ACYP2: variants seen among roughly 807,000 people sequenced by gnomAD.
ACYP2 encodes the protein acylphosphatase-2.
ACYP2 carries 12 observed loss-of-function variants against 11.2 expected under a neutral mutation model. The observed-to-expected ratio is 1.08, with a 90% CI of 0.69 to 1.74. The LOEUF (loss-of-function observed/expected upper bound fraction) is 1.74, where lower values mean the gene tolerates loss of function less well. ACYP2 is among the 40% of genes most tolerant of loss of function. The pLI, the probability that ACYP2 is intolerant of heterozygous loss-of-function variation, is 0.00. For missense variants in ACYP2, 134 were observed against 101.9 expected (o/e 1.31, Z -1.35); for synonymous variants, 43 against 32.2 (o/e 1.33, Z -1.13).
intron 6 of ACYP2, among the ~76,000 whole-genome samples, chr2:54,171,080 T>A (rs890283950): frequency 4.6e-5 from 7 of 152,144 alleles, no homozygotes; most frequent in Non-Finnish European, 1.0e-4. Context: ...TGACAGATCC[T>A]GGGCCGGGAT....
intron 4 of ACYP2, among the ~76,000 whole-genome samples, chr2:54,085,247 A>G (rs1677887785): frequency 6.6e-6 from 1 of 152,144 alleles, no homozygotes; most frequent in South Asian, 2.1e-4. Context: ...GGCTGTGCAC[A>G]TTTAGTTCAC....
chr2:54,187,750 G>A (rs1161512253), intron 6 of ACYP2, among the ~76,000 whole-genome samples: 1 of 152,144 alleles, frequency 6.6e-6, no homozygotes, highest in East Asian at 1.9e-4. Context: ...ACTGCTATCA[G>A]CATAAGCCAA....
intron 4 of ACYP2, among the ~76,000 whole-genome samples, chr2:54,095,782 A>G (rs1418746299): frequency 9.9e-5 from 8 of 80,872 alleles, no homozygotes; most frequent in Non-Finnish European, 1.5e-4. Context: ...CTGGCCGGGC[A>G]GGGGGTTGAC....
chr2:54,175,079 G>A (rs900954629), intron 6 of ACYP2, among the ~76,000 whole-genome samples: 25 of 152,240 alleles, frequency 1.6e-4, no homozygotes, highest in African/African-American at 5.8e-4. Flanking sequence ...TTTTTCTATT[G>A]ATTAGAATAG....
At chr2:54,081,260 C>T (rs1030145057) in intron 4 of ACYP2, among the ~76,000 whole-genome samples, 1 of 151,968 alleles carries the variant, frequency 6.6e-6, no homozygotes, top group Non-Finnish European at 1.5e-5. Flanking sequence ...ATATCCCCAT[C>T]GAAAAAGATA....
intron 6 of ACYP2, among the ~76,000 whole-genome samples, chr2:54,191,120 G>A (rs1200491790): frequency 6.6e-6 from 1 of 152,028 alleles, no homozygotes; most frequent in African/African-American, 2.4e-5. Flanking sequence ...TGCAGTAGCT[G>A]TAAGACTCAG....
At chr2:54,185,777 AT>A (rs754730606) in intron 6 of ACYP2, among the ~76,000 whole-genome samples, 141 of 152,316 alleles carry the variant, frequency 9.3e-4, no homozygotes, top group Non-Finnish European at 1.5e-3. Flanking sequence ...GGATTAAACT[AT>A]TAAAGAGCTG....
At chr2:54,246,978 C>G (rs1035648138) in intron 6 of ACYP2, among the ~76,000 whole-genome samples, 4 of 152,084 alleles carry the variant, frequency 2.6e-5, no homozygotes, top group East Asian at 1.9e-4. Flanking sequence ...CACTTAAGAC[C>G]CTCTAGTCTA....
At chr2:54,163,156 T>C (rs542556241) in intron 6 of ACYP2, among the ~76,000 whole-genome samples, 1 of 152,202 alleles carries the variant, frequency 6.6e-6, no homozygotes, top group Non-Finnish European at 1.5e-5. Context: ...GGATTTTGCT[T>C]GTCCCCGGAT....
At chr2:54,110,545 C>T (rs1679405463) in intron 4 of ACYP2, among the ~76,000 whole-genome samples, 1 of 152,172 alleles carries the variant, frequency 6.6e-6, no homozygotes, top group South Asian at 2.1e-4. Flanking sequence ...TCTGCTTTAG[C>T]TGAGACCTGG....
intron 2 of ACYP2, among the ~76,000 whole-genome samples, chr2:53,979,487 C>T (rs2104508877): frequency 6.6e-6 from 1 of 151,648 alleles, no homozygotes; most frequent in African/African-American, 2.4e-5. Context: ...ATTAGCCAGG[C>T]ATGGGGGTAT....
intron 4 of ACYP2, among the ~76,000 whole-genome samples, chr2:54,134,053 A>G (rs964280393): frequency 6.6e-6 from 1 of 151,146 alleles, no homozygotes; most frequent in African/African-American, 2.4e-5. Flanking sequence ...CCCAGCCTAC[A>G]TGGTTCAAAG....
At chr2:54,224,456 G>A (rs550159939) in intron 6 of ACYP2, among the ~76,000 whole-genome samples, 1 of 152,342 alleles carries the variant, frequency 6.6e-6, no homozygotes, top group Admixed American at 6.5e-5. Context: ...GACTCAGAAT[G>A]GGGAGTGCGT....
At chr2:53,992,960 C>T (rs1440299197) in intron 2 of ACYP2, among the ~76,000 whole-genome samples, 1 of 152,090 alleles carries the variant, frequency 6.6e-6, no homozygotes. Context: ...AATCCCAGCA[C>T]TTTGGGAGGT....
At chr2:54,025,583 G>A (rs1573547140) in intron 2 of ACYP2, among the ~76,000 whole-genome samples, 1 of 152,072 alleles carries the variant, frequency 6.6e-6, no homozygotes, top group African/African-American at 2.4e-5. Flanking sequence ...AACTCAAGAT[G>A]GATCAAAGAC....
chr2:54,115,853 G>A (rs1679744652), intron 4 of ACYP2, 97 bp downstream of exon 1: 4 of 1,365,928 alleles, frequency 2.9e-6, no homozygotes, highest in Non-Finnish European at 3.9e-6. Context: ...GCCTTTTCCC[G>A]TTGTGGCTGG....
intron 6 of ACYP2, among the ~76,000 whole-genome samples, chr2:54,251,403 TAAGC>T (rs1164516749): frequency 2.6e-5 from 4 of 152,236 alleles, no homozygotes; most frequent in African/African-American, 7.2e-5. Context: ...GGGTTTTTCT[TAAGC>T]AAGAATATTA....
At chr2:54,202,405 C>CTTTTTTTTTTTTTTTTT (rs61634500) in intron 6 of ACYP2, among the ~76,000 whole-genome samples, 1 of 116,372 alleles carries the variant, frequency 8.6e-6, no homozygotes, top group African/African-American at 3.6e-5. Flanking sequence ...CTGTGCCTGG[C>CTTTTTTTTTTTTTTTTT]TTTTTTTTTT....
intron 4 of ACYP2, among the ~76,000 whole-genome samples, chr2:54,122,198 T>C (rs1184169048): frequency 1.3e-5 from 2 of 152,194 alleles, no homozygotes; most frequent in African/African-American, 4.8e-5. Context: ...GGTTACAATA[T>C]AAAAAATAGG....
Sources: gnomAD v4.1 joint callset for allele counts (sites outside exome capture counted in the v4.1 genomes callset) on GRCh38, gnomAD v4.1.1 for gene constraint, MANE v1.5 for transcripts, NCBI Gene and HGNC (gene_info 2026-07-23, HGNC 2026-07-21) for gene names.